The following NAA35 variants were observed in gnomAD, a reference collection of about 807,000 sequenced individuals.
NAA35 encodes MAK10 homolog, amino-acid N-acetyltransferase subunit.
A neutral mutation model predicts 101.7 loss-of-function variants in NAA35; 18 were observed. The observed-to-expected ratio is 0.18, with a 90% CI of 0.12 to 0.26. The LOEUF is 0.26. Ranked by LOEUF, NAA35 falls within the 10% of genes least tolerant of loss-of-function variation. The pLI, the probability that NAA35 is intolerant of heterozygous loss-of-function variation, is 1.00. For missense variants in NAA35, 601 were observed against 886.8 expected, an observed-to-expected ratio of 0.68 and a Z score of 4.09; for synonymous variants, 267 against 273.1, an observed-to-expected ratio of 0.98 and a Z score of 0.22.
At position 86,014,362 on chromosome 9, in the gene NAA35, G is replaced by C. The variant is rs898570955; in HGVS notation, c.1568+465G>C. Reference sequence around the variant, plus strand: ...AGGAGCTTTGGAGTTGATAAAAGATGATCTTCGGCAGAGTAGTTCTTCCCT... The same window carrying C: ...AGGAGCTTTGGAGTTGATAAAAGATCATCTTCGGCAGAGTAGTTCTTCCCT... On this transcript the variant is annotated intron_variant, in intron 17 of 22. Coordinates refer to ENST00000361671, the MANE Select transcript of NAA35 (RefSeq NM_024635.4). 1.0e-5 allele frequency: 10 copies of C among 982,692 alleles called. No homozygotes were observed. In the African/African-American group the frequency reaches 1.6e-4, roughly 15 times the overall value. 60.9% of individuals were successfully genotyped at this position (982,692 alleles called of 1,614,324 possible).
Position 86,013,828 on chromosome 9 carries a change from T to G in NAA35, c.1499T>G (p.Met500Arg). 6.2e-7 allele frequency: 1 copy of G among 1,614,144 alleles called. No individual in the cohort carries two copies. The highest frequency in any genetic ancestry group is 8.5e-7 in the Non-Finnish European group (1 of 1,179,992). The change falls in exon 17 of 23, where the codon ATG becomes AGG. Residue 500 changes from methionine to arginine, a missense_variant. Transcript: ENST00000361671. Reference sequence around the variant, plus strand: ...GTCCTTTACCATAACCTTCGCATTATGATACAGTACCTTCTAAGTGGCTTT... The same window carrying G: ...GTCCTTTACCATAACCTTCGCATTAGGATACAGTACCTTCTAAGTGGCTTT... ...TWVLYHNLRI[M>R]IQYLLSGFEL... is the part of the protein sequence containing the mutation.
At chr9:85,954,668 A>G (rs1829160654) in intron 2 of NAA35, among the ~76,000 whole-genome samples, 1 of 152,088 alleles carries the variant, frequency 6.6e-6, no homozygotes, top group Non-Finnish European at 1.5e-5. Context: ...AGAGTACATG[A>G]TTAGTTTAGC....
intron 13 of NAA35, among the ~76,000 whole-genome samples, chr9:86,007,050 A>C (rs889360161): frequency 1.3e-5 from 2 of 152,214 alleles, no homozygotes; most frequent in Non-Finnish European, 2.9e-5. Flanking sequence ...TTCATAGTTT[A>C]TGAAGCATTT....
At chr9:85,956,845 A>G (rs557849914) in intron 3 of NAA35, among the ~76,000 whole-genome samples, 67 of 152,276 alleles carry the variant, frequency 4.4e-4, no homozygotes, top group Non-Finnish European at 8.4e-4. Flanking sequence ...TGATGACTGG[A>G]AGGTTCAAGA....
intron 11 of NAA35, among the ~76,000 whole-genome samples, chr9:85,995,915 G>A (rs1020272150): frequency 6.6e-6 from 1 of 152,096 alleles, no homozygotes; most frequent in East Asian, 1.9e-4. Context: ...GGCTCATTGA[G>A]GGTTGAGGGC....
chr9:85,999,811 A>T (rs1564317042), intron 12 of NAA35, among the ~76,000 whole-genome samples: 1 of 152,268 alleles, frequency 6.6e-6, no homozygotes, highest in Admixed American at 6.5e-5. Context: ...ATTAAAATAC[A>T]TACATTATTA....
intron 14 of NAA35, among the ~76,000 whole-genome samples, chr9:86,009,611 A>T (rs1831809524): frequency 6.6e-6 from 1 of 152,204 alleles, no homozygotes; most frequent in Non-Finnish European, 1.5e-5. Flanking sequence ...CTCTTTGCTA[A>T]TTTGATCTTA....
At chr9:85,998,467 G>A (rs1831274798) in intron 12 of NAA35, among the ~76,000 whole-genome samples, 1 of 151,986 alleles carries the variant, frequency 6.6e-6, no homozygotes, top group African/African-American at 2.4e-5. Flanking sequence ...ATATTTATAG[G>A]TAACTCTTTT....
At chr9:85,953,901 G>A (rs1283161288) in intron 2 of NAA35, among the ~76,000 whole-genome samples, 1 of 152,084 alleles carries the variant, frequency 6.6e-6, no homozygotes, top group Non-Finnish European at 1.5e-5. Context: ...CATTGTATGT[G>A]TAGACCATGG....
intron 4 of NAA35, 104 bp downstream of exon 4, chr9:85,958,690 C>T: frequency 1.5e-6 from 1 of 667,966 alleles, no homozygotes; most frequent in Non-Finnish European, 2.4e-6. Context: ...AGTCTGTTTC[C>T]TTCAAAGCAG....
intron 18 of NAA35, 46 bp from the exon 19 acceptor site, chr9:86,017,452 A>C (rs1348604632): frequency 6.4e-7 from 1 of 1,556,446 alleles, no homozygotes; most frequent in Non-Finnish European, 8.8e-7. Context: ...TGCAAGAGGG[A>C]GGAGGAAAAG....
chr9:86,011,811 T>G (rs2118417552), intron 15 of NAA35, among the ~76,000 whole-genome samples: 1 of 145,852 alleles, frequency 6.9e-6, no homozygotes, highest in South Asian at 2.1e-4. Flanking sequence ...ATTATATATG[T>G]ACATCACAAA....
chr9:86,018,915 A>G, intron 21 of NAA35, 94 bp downstream of exon 21: 1 of 1,467,734 alleles, frequency 6.8e-7, no homozygotes, highest in Admixed American at 2.0e-5. Flanking sequence ...AGTGAACTTT[A>G]ATAGTGTTAG....
At chr9:85,943,412 C>CTTAG (rs1434517822) in intron 2 of NAA35, among the ~76,000 whole-genome samples, 3 of 152,044 alleles carry the variant, frequency 2.0e-5, no homozygotes, top group Admixed American at 1.3e-4. Context: ...TCTCAAGCAG[C>CTTAG]TTAGGTCTTT....
chr9:85,953,963 TTG>T (rs1479544912), intron 2 of NAA35, among the ~76,000 whole-genome samples: 1 of 152,214 alleles, frequency 6.6e-6, no homozygotes, highest in African/African-American at 2.4e-5. Flanking sequence ...TGTTTTTTGA[TTG>T]TGAATAATGC....
chr9:85,958,028 G>A (rs1191971730), intron 3 of NAA35, among the ~76,000 whole-genome samples: 7 of 150,988 alleles, frequency 4.6e-5, no homozygotes, highest in Non-Finnish European at 8.8e-5. Context: ...CGTAACCTCC[G>A]CCTCCCGGGT....
chr9:86,018,927 G>A, intron 21 of NAA35, 106 bp downstream of exon 21: 1 of 1,381,690 alleles, frequency 7.2e-7, no homozygotes, highest in Non-Finnish European at 9.8e-7. Flanking sequence ...TAGTGTTAGT[G>A]AATAGAACTT....
chr9:85,945,353 G>A (rs1207573475), intron 2 of NAA35, among the ~76,000 whole-genome samples: 1 of 152,066 alleles, frequency 6.6e-6, no homozygotes, highest in African/African-American at 2.4e-5. Context: ...TTGAGCCTGT[G>A]GTATTTATTT....
At position 86,021,919 on chromosome 9, in the gene NAA35, T is replaced by C; in HGVS notation, c.2137T>C (p.Phe713Leu). The change falls in exon 23 of 23, where the codon TTC becomes CTC. Residue 713 changes from phenylalanine (F) to leucine (L), a missense_variant. Coordinates refer to ENST00000361671, the MANE Select transcript of NAA35 (RefSeq NM_024635.4). ...TTAACAGGTTCCTCCTGAATTTGAT[T>C]TCTCTGCTCATAAATATTTTCCTGT... ...KESKVPPEFD[F>L]SAHKYFPVVK... 6.2e-7 allele frequency: 1 copy of C among 1,613,592 alleles called. No individual in the cohort carries two copies. The highest frequency in any genetic ancestry group is 8.5e-7 in the Non-Finnish European group (1 of 1,179,754).
Sources: gnomAD v4.1 joint callset for allele counts (sites outside exome capture counted in the v4.1 genomes callset) on GRCh38, gnomAD v4.1.1 for gene constraint, MANE v1.5 for transcripts, NCBI Gene and HGNC (gene_info 2026-07-23, HGNC 2026-07-21) for gene names.